PSD3: variants seen among roughly 807,000 people sequenced by gnomAD.
The protein encoded by PSD3 is PH and SEC7 domain-containing protein 3.
A neutral mutation model predicts 105.5 loss-of-function variants in PSD3; 49 were observed. That is an observed-to-expected ratio of 0.46 (90% CI 0.37 to 0.59). PSD3 has a LOEUF of 0.59. PSD3 is among the 20% of genes least tolerant of loss of function. The pLI is 0.00. For missense variants in PSD3, 1,561 were observed against 1,263.8 expected (o/e 1.24, Z -3.57); for synonymous variants, 557 against 457.8 (o/e 1.22, Z -2.77).
intron 8 of PSD3, among the ~76,000 whole-genome samples, chr8:18,779,521 G>C (rs753636138): frequency 6.6e-6 from 1 of 151,752 alleles, no homozygotes; most frequent in Non-Finnish European, 1.5e-5. Flanking sequence ...CTAGTTCCTT[G>C]AGGTGCATCA....
intron 9 of PSD3, among the ~76,000 whole-genome samples, chr8:18,745,182 C>A (rs950140774): frequency 1.7e-4 from 26 of 152,054 alleles, no homozygotes; most frequent in African/African-American, 6.3e-4. Flanking sequence ...AATAAATATC[C>A]TGGGAGAGAT....
At chr8:18,608,305 C>T (rs987458308) in intron 11 of PSD3, among the ~76,000 whole-genome samples, 5 of 152,192 alleles carry the variant, frequency 3.3e-5, no homozygotes, top group Admixed American at 3.3e-4. Context: ...AAGGGACATC[C>T]ACAGTAAATG....
intron 1 of PSD3, among the ~76,000 whole-genome samples, chr8:18,964,828 T>C (rs886257966): frequency 6.6e-6 from 1 of 152,224 alleles, no homozygotes; most frequent in Admixed American, 6.5e-5. Context: ...CAAGGTGGCA[T>C]AGATTTGTTC....
chr8:18,893,650 C>T (rs886474058), intron 2 of PSD3, among the ~76,000 whole-genome samples: 1 of 152,020 alleles, frequency 6.6e-6, no homozygotes, highest in African/African-American at 2.4e-5. Context: ...ACTCCAGGCC[C>T]AGGCCCAGGA....
chr8:18,666,021 A>T (rs1799429809), intron 9 of PSD3, among the ~76,000 whole-genome samples: 1 of 152,190 alleles, frequency 6.6e-6, no homozygotes, highest in Non-Finnish European at 1.5e-5. Flanking sequence ...GAAGGCTCCA[A>T]TGACACACAT....
intron 11 of PSD3, among the ~76,000 whole-genome samples, chr8:18,603,304 G>C (rs1181321247): frequency 6.6e-6 from 1 of 151,888 alleles, no homozygotes; most frequent in East Asian, 1.9e-4. Flanking sequence ...TAATGCTATT[G>C]AAACAGGCAT....
chr8:18,717,954 G>C (rs1482790416), intron 9 of PSD3, among the ~76,000 whole-genome samples: 1 of 152,194 alleles, frequency 6.6e-6, no homozygotes, highest in African/African-American at 2.4e-5. Context: ...CAGTGGGACT[G>C]GTGATGGCCA....
chr8:18,607,583 A>C (rs1804936772), intron 11 of PSD3, among the ~76,000 whole-genome samples: 1 of 151,584 alleles, frequency 6.6e-6, no homozygotes, highest in Admixed American at 6.6e-5. Context: ...GTCTTGGATA[A>C]ATCTGGGATC....
At chr8:18,885,131 A>G (rs1818373659) in intron 2 of PSD3, among the ~76,000 whole-genome samples, 1 of 152,038 alleles carries the variant, frequency 6.6e-6, no homozygotes, top group South Asian at 2.1e-4. Flanking sequence ...TTATATCCAC[A>G]TCTTGTGCTT....
chr8:19,064,001 C>T lies in PSD3; in HGVS notation c.324+20205G>A, dbSNP rs1015110553. ...TACTAAAAATACAAAATTAGCCAGG[C>T]GTGGTGGTGCACACCTGTAATCCCA... is the stretch of plus-strand genomic sequence containing the variant. On this transcript the variant is annotated intron_variant, in intron 1 of 1. Transcript: ENST00000521475. Among the ~76,000 whole-genome samples the T allele has an allele frequency of 4.3e-4, 66 of 151,894 alleles. 1 individual carries two copies. Among genetic ancestry groups the T allele is most frequent in the South Asian group, 4.2e-4 (2 of 4,802 alleles).
intron 10 of PSD3, among the ~76,000 whole-genome samples, chr8:18,644,633 A>G (rs1467971822): frequency 6.6e-6 from 1 of 152,158 alleles, no homozygotes; most frequent in Non-Finnish European, 1.5e-5. Context: ...TCTTCTCCTG[A>G]GCCCTCACCC....
chr8:18,653,369 C>CA (rs113328647), intron 10 of PSD3, among the ~76,000 whole-genome samples: 24,126 of 139,060 alleles, frequency 0.17, 1,913 homozygotes, highest in East Asian at 0.24. Context: ...GAAAAAAAGA[C>CA]AAAAAAAAAA....
intron 8 of PSD3, among the ~76,000 whole-genome samples, chr8:18,767,605 G>C (rs1416503218): frequency 6.6e-6 from 1 of 151,930 alleles, no homozygotes; most frequent in African/African-American, 2.4e-5. Context: ...AAATTAGCCG[G>C]GTGCAGTGGC....
chr8:18,953,471 G>C (rs58097787), intron 1 of PSD3, among the ~76,000 whole-genome samples: 1 of 152,050 alleles, frequency 6.6e-6, no homozygotes, highest in Admixed American at 6.5e-5. Context: ...TAAATAGGCC[G>C]GGTGTGGTGG....
At chr8:18,668,427 A>T (rs561236836) in intron 9 of PSD3, among the ~76,000 whole-genome samples, 1 of 152,214 alleles carries the variant, frequency 6.6e-6, no homozygotes, top group Non-Finnish European at 1.5e-5. Flanking sequence ...ATAACTATCA[A>T]TGAGGCCCCA....
At chr8:18,977,770 A>G (rs1194756661) in intron 1 of PSD3, among the ~76,000 whole-genome samples, 2 of 152,206 alleles carry the variant, frequency 1.3e-5, no homozygotes, top group African/African-American at 4.8e-5. Flanking sequence ...TCTCTCTGGG[A>G]GATGGATTAT....
At chr8:18,599,539 T>A (rs1244488843) in intron 12 of PSD3, among the ~76,000 whole-genome samples, 1 of 152,160 alleles carries the variant, frequency 6.6e-6, no homozygotes, top group Non-Finnish European at 1.5e-5. Flanking sequence ...GCTCCCCTTA[T>A]CTATCCATGT....
At chr8:18,762,130 G>C (rs1806592030) in intron 9 of PSD3, among the ~76,000 whole-genome samples, 1 of 152,156 alleles carries the variant, frequency 6.6e-6, no homozygotes, top group Non-Finnish European at 1.5e-5. Context: ...TACTGGATGT[G>C]GGGTCTGTTG....
chr8:18,863,758 C>CA (rs959988357), intron 4 of PSD3, among the ~76,000 whole-genome samples: 73 of 148,118 alleles, frequency 4.9e-4, no homozygotes, highest in East Asian at 1.4e-3. Context: ...GACACGCACT[C>CA]AAAAAAAAAA....
Sources: gnomAD v4.1 joint callset for allele counts (sites outside exome capture counted in the v4.1 genomes callset) on GRCh38, gnomAD v4.1.1 for gene constraint, MANE v1.5 for transcripts, NCBI Gene and HGNC (gene_info 2026-07-23, HGNC 2026-07-21) for gene names.